Variants in TBC1D12 observed in about 807,000 individuals in gnomAD.
TBC1D12 encodes TBC1 domain family member 12, also known as TBC1 domain family, member 12.
Under a neutral mutation model 86.7 loss-of-function variants are expected in TBC1D12, and 56 were observed. That is an observed-to-expected ratio of 0.65 (90% CI 0.52 to 0.81). The LOEUF (loss-of-function observed/expected upper bound fraction) is 0.81. Among genes scored for constraint, TBC1D12 ranks in the 30% least tolerant of loss-of-function variants. The pLI, the probability that TBC1D12 is intolerant of heterozygous loss-of-function variation, is 0.00. For synonymous variants in TBC1D12, 421 were observed against 411.7 expected (o/e 1.02, Z -0.27); for missense variants, 1,023 against 1,038.8 (o/e 0.98, Z 0.21).
intron 2 of TBC1D12, among the ~76,000 whole-genome samples, chr10:94,444,898 A>T (rs1554937472): frequency 1.3e-5 from 2 of 150,112 alleles, no homozygotes; most frequent in Non-Finnish European, 3.0e-5. Context: ...CGCCTGGCTA[A>T]TTTTTTTGTA....
chr10:94,458,796 ACCTTCCATCTGGAGTTGTTCG>A (rs2055671411), intron 2 of TBC1D12, among the ~76,000 whole-genome samples: 1 of 151,718 alleles, frequency 6.6e-6, no homozygotes, highest in Non-Finnish European at 1.5e-5. Flanking sequence ...AGTTGTTCGT[ACCTTCCATCTGGAGTTGTTCG>A]TCCCTCCCCA....
At chr10:94,487,862 G>GT (rs2056190799) in intron 3 of TBC1D12, among the ~76,000 whole-genome samples, 2 of 125,846 alleles carry the variant, frequency 1.6e-5, no homozygotes, top group African/African-American at 5.5e-5. Context: ...ATACCCAGCT[G>GT]GTTTTTTTTT....
At chr10:94,447,765 A>G in intron 2 of TBC1D12, 2 of 779,228 alleles carry the variant, frequency 2.6e-6, no homozygotes, top group Non-Finnish European at 3.1e-6. Context: ...TTTTTTCTAA[A>G]TTAGTAGGTA....
chr10:94,423,462 C>T (rs1446686274), intron 1 of TBC1D12, among the ~76,000 whole-genome samples: 5 of 151,722 alleles, frequency 3.3e-5, no homozygotes, highest in African/African-American at 1.2e-4. Flanking sequence ...ATTCTCCTGC[C>T]TCAGCCTCCT....
chr10:94,407,428 T>C (rs1386630226), intron 1 of TBC1D12, among the ~76,000 whole-genome samples: 2 of 152,206 alleles, frequency 1.3e-5, no homozygotes, highest in East Asian at 3.9e-4. Context: ...ACGCCTGTAA[T>C]CCCAACACTT....
chr10:94,423,424 T>G (rs1225091805), intron 1 of TBC1D12, among the ~76,000 whole-genome samples: 1 of 143,550 alleles, frequency 7.0e-6, no homozygotes, highest in Non-Finnish European at 1.5e-5. Flanking sequence ...CTTGGCTCAC[T>G]GCAACCTCCG....
At position 94,402,825 on chromosome 10, in the gene TBC1D12, A is replaced by G. The variant is rs778244479; in HGVS notation, c.212A>G (p.Gln71Arg). The G allele has an allele frequency of 2.5e-5, 39 of 1,540,646 alleles. No homozygotes were observed. In the African/African-American group the frequency reaches 3.7e-4, roughly 15 times the overall value. ...EEETPPRQLL[Q>R]RYLAAAGEQL... Reference sequence around the variant, plus strand: ...GAGACGCCGCCTCGGCAGCTCCTTCAGCGTTACCTCGCGGCGGCCGGGGAG... The same window carrying G: ...GAGACGCCGCCTCGGCAGCTCCTTCGGCGTTACCTCGCGGCGGCCGGGGAG... Residue 71 changes from glutamine to arginine, a missense_variant, in exon 1 of 13, where the codon CAG becomes CGG. Transcript: ENST00000225235.
intron 4 of TBC1D12, 106 bp downstream of exon 4, chr10:94,493,553 A>C: frequency 1.1e-6 from 1 of 903,862 alleles, no homozygotes; most frequent in Non-Finnish European, 1.7e-6. Flanking sequence ...TCTTTTTTTT[A>C]TTTCTTTTTT....
intron 3 of TBC1D12, among the ~76,000 whole-genome samples, chr10:94,481,721 C>T (rs1164961254): frequency 6.6e-6 from 1 of 151,608 alleles, no homozygotes; most frequent in Non-Finnish European, 1.5e-5. Context: ...TAATTTCCTT[C>T]AAGAACTTTA....
chr10:94,419,105 C>A lies in TBC1D12; in HGVS notation c.971+15521C>A, dbSNP rs547651802. ...GGCGAGAATAGTCTTGATCTCCTGA[C>A]CTCGTGATCCACCGGCCTCGGCCTC... On this transcript the variant is annotated intron_variant, in intron 1 of 12. Coordinates refer to ENST00000225235, the MANE Select transcript of TBC1D12 (RefSeq NM_015188.2). Among the ~76,000 whole-genome samples, 24 of 152,128 alleles carry A rather than the reference C, an allele frequency of 1.6e-4. No homozygotes were observed. In the East Asian group the frequency reaches 4.3e-3, roughly 27 times the overall value.
At chr10:94,483,721 G>T (rs894825090) in intron 3 of TBC1D12, among the ~76,000 whole-genome samples, 1 of 151,168 alleles carries the variant, frequency 6.6e-6, no homozygotes, top group Non-Finnish European at 1.5e-5. Context: ...CTGTTTATTG[G>T]TTTTGTTTTT....
intron 1 of TBC1D12, among the ~76,000 whole-genome samples, chr10:94,407,333 G>A (rs1401542005): frequency 6.6e-6 from 1 of 152,178 alleles, no homozygotes. Flanking sequence ...TGACTTGGCT[G>A]TCAGAGCCCT....
chr10:94,518,093 G>A (rs970235282), intron 9 of TBC1D12, among the ~76,000 whole-genome samples: 2 of 152,050 alleles, frequency 1.3e-5, no homozygotes, highest in Non-Finnish European at 2.9e-5. Flanking sequence ...GACGGATGTT[G>A]TAGTGAGCCG....
chr10:94,437,228 A>G (rs2055313406), intron 1 of TBC1D12, among the ~76,000 whole-genome samples: 1 of 152,084 alleles, frequency 6.6e-6, no homozygotes, highest in South Asian at 2.1e-4. Context: ...ACTATAATGT[A>G]TCTCAGTGTG....
At chr10:94,475,142 G>A (rs1177772995) in intron 3 of TBC1D12, among the ~76,000 whole-genome samples, 3 of 152,110 alleles carry the variant, frequency 2.0e-5, no homozygotes, top group Non-Finnish European at 4.4e-5. Context: ...GTTAATATAC[G>A]AAACATAATA....
chr10:94,484,351 G>A (rs539122400), intron 3 of TBC1D12, among the ~76,000 whole-genome samples: 1 of 151,044 alleles, frequency 6.6e-6, no homozygotes, highest in African/African-American at 2.4e-5. Context: ...GGGTTCAAGC[G>A]ATTCTCCTGC....
At chr10:94,488,352 G>T (rs2056198988) in intron 3 of TBC1D12, among the ~76,000 whole-genome samples, 1 of 149,088 alleles carries the variant, frequency 6.7e-6, no homozygotes, top group Admixed American at 6.7e-5. Flanking sequence ...TGCACCACTG[G>T]GTATTGCTGT....
chr10:94,464,465 G>C (rs552491422), intron 2 of TBC1D12, among the ~76,000 whole-genome samples: 3 of 152,100 alleles, frequency 2.0e-5, no homozygotes, highest in African/African-American at 7.2e-5. Flanking sequence ...GATACCTTTG[G>C]ATTCTTTTTT....
At chr10:94,490,553 A>G (rs2056232267) in intron 3 of TBC1D12, among the ~76,000 whole-genome samples, 1 of 152,096 alleles carries the variant, frequency 6.6e-6, no homozygotes, top group Admixed American at 6.6e-5. Flanking sequence ...ATTATGCATT[A>G]TATTTTTCTG....
Sources: gnomAD v4.1 joint callset for allele counts (sites outside exome capture counted in the v4.1 genomes callset) on GRCh38, gnomAD v4.1.1 for gene constraint, MANE v1.5 for transcripts, NCBI Gene and HGNC (gene_info 2026-07-23, HGNC 2026-07-21) for gene names.